CTNNA3: variants seen among roughly 807,000 people sequenced by gnomAD.
CTNNA3 encodes the protein catenin alpha-3.
Under a neutral mutation model 95.7 loss-of-function variants are expected in CTNNA3, and 76 were observed. The observed-to-expected ratio is 0.79, with a 90% CI of 0.66 to 0.96. CTNNA3 has a LOEUF of 0.96. Ranked by LOEUF, CTNNA3 falls within the 40% of genes least tolerant of loss-of-function variation. CTNNA3 has a pLI of 0.00. For missense variants in CTNNA3, 1,191 were observed against 1,089.8 expected (o/e 1.09, Z -1.31); for synonymous variants, 431 against 374.4 (o/e 1.15, Z -1.74).
chr10:66,681,387 G>A lies in CTNNA3; in HGVS notation c.1282-59603C>T, dbSNP rs574694208. ...CAGAATATACCTGGGGATCCAAACT[G>A]GAAACAGCTCATTAGATTCAAAATA... On this transcript the variant is annotated intron_variant, in intron 9 of 17. Transcript: ENST00000433211. Among the ~76,000 whole-genome samples the A allele has an allele frequency of 9.3e-4, 142 of 152,030 alleles. 1 individual carries two copies. Among genetic ancestry groups the A allele is most frequent in the Non-Finnish European group, 1.6e-3 (112 of 67,990 alleles).
At chr10:66,400,073 GC>G (rs1201855143) in intron 11 of CTNNA3, among the ~76,000 whole-genome samples, 1 of 151,872 alleles carries the variant, frequency 6.6e-6, no homozygotes, top group African/African-American at 2.4e-5. Context: ...ACATACATAT[GC>G]TTTTTATAGC....
At chr10:66,362,013 T>C (rs1295023277) in intron 12 of CTNNA3, among the ~76,000 whole-genome samples, 1 of 151,852 alleles carries the variant, frequency 6.6e-6, no homozygotes, top group African/African-American at 2.4e-5. Flanking sequence ...CTGTGTGACA[T>C]ATGCAGCTTT....
At position 66,102,430 on chromosome 10, in the gene CTNNA3, T is replaced by TA. The variant is rs374775739; in HGVS notation, c.1977+726dup. ...TGCTTTACAAATGAGGGAACTGAGG[T>TA]ACAGAGAAGCTAATTGACTTTCCCA... On this transcript the variant is annotated intron_variant, in intron 14 of 17. Coordinates refer to ENST00000433211, the MANE Select transcript of CTNNA3 (RefSeq NM_013266.4). Among the ~76,000 whole-genome samples the TA allele has an allele frequency of 1.5e-3, 235 of 152,224 alleles. 2 individuals carry two copies. Among genetic ancestry groups the TA allele is most frequent in the Non-Finnish European group, 2.8e-3 (190 of 68,006 alleles).
At chr10:66,929,570 A>G (rs1371152187) in intron 7 of CTNNA3, among the ~76,000 whole-genome samples, 1 of 152,192 alleles carries the variant, frequency 6.6e-6, no homozygotes, top group East Asian at 1.9e-4. Flanking sequence ...CCTCATTGAA[A>G]AGGACGACTT....
At chr10:66,321,235 T>C (rs1358647105) in intron 12 of CTNNA3, among the ~76,000 whole-genome samples, 1 of 152,032 alleles carries the variant, frequency 6.6e-6, no homozygotes, top group Non-Finnish European at 1.5e-5. Flanking sequence ...AAAATAGTTA[T>C]AACATGTTAG....
rs12255493 is a variant in CTNNA3 at position 66,976,586 on chromosome 10, A to C, written c.1048-201062T>G. Among the ~76,000 whole-genome samples the C allele has an allele frequency of 7.2e-3, 1,090 of 152,278 alleles. 13 individuals are homozygous for C. The highest frequency in any genetic ancestry group is 0.025 in the African/African-American group (1,041 of 41,556). On this transcript the variant is annotated intron_variant, in intron 7 of 17. Transcript: ENST00000433211. ...CTAAAAATCTACAGTGACTTCCCTA[A>C]AGAAAAATGGTCATATTCCCAAGTT...
At chr10:67,135,146 T>A (rs1429531548) in intron 7 of CTNNA3, among the ~76,000 whole-genome samples, 3 of 151,952 alleles carry the variant, frequency 2.0e-5, no homozygotes, top group African/African-American at 7.2e-5. Flanking sequence ...ATACAGAGAA[T>A]GAAATAGTAT....
intron 5 of CTNNA3, among the ~76,000 whole-genome samples, chr10:67,413,390 C>G (rs534791762): frequency 1.3e-5 from 2 of 152,186 alleles, no homozygotes; most frequent in Admixed American, 6.5e-5. Flanking sequence ...CGACAAGAAG[C>G]CTTAACTATA....
At chr10:66,268,050 A>C (rs919043644) in intron 13 of CTNNA3, among the ~76,000 whole-genome samples, 4 of 152,166 alleles carry the variant, frequency 2.6e-5, no homozygotes, top group African/African-American at 9.7e-5. Context: ...TTATGGTCAC[A>C]TAATTGTTAA....
chr10:67,231,122 C>A (rs12247877), intron 5 of CTNNA3, among the ~76,000 whole-genome samples: 1,555 of 152,202 alleles, frequency 0.01, 16 homozygotes, highest in African/African-American at 0.024. Context: ...TTGCCCAGGC[C>A]TGCTTAGGTA....
intron 13 of CTNNA3, among the ~76,000 whole-genome samples, chr10:66,135,316 G>A (rs1332720832): frequency 9.2e-5 from 14 of 152,084 alleles, no homozygotes; most frequent in Non-Finnish European, 2.9e-5. Context: ...TGTTGGGCGA[G>A]AAGGCAAAAA....
chr10:67,744,978 AG>A (rs1841366078), intron 1 of CTNNA3, among the ~76,000 whole-genome samples: 1 of 152,130 alleles, frequency 6.6e-6, no homozygotes, highest in Non-Finnish European at 1.5e-5. Context: ...CACACCAGTT[AG>A]AATGGTGATC....
At chr10:67,695,803 C>T (rs1840953494) in intron 1 of CTNNA3, among the ~76,000 whole-genome samples, 197 bp downstream of exon 1, 2 of 152,154 alleles carry the variant, frequency 1.3e-5, no homozygotes, top group Non-Finnish European at 2.9e-5. Flanking sequence ...TTATTTATAA[C>T]TTTAAAATTA....
chr10:66,108,080 A>G (rs887595473), intron 13 of CTNNA3, among the ~76,000 whole-genome samples: 1 of 152,120 alleles, frequency 6.6e-6, no homozygotes, highest in Admixed American at 6.6e-5. Context: ...CTAACGTCAC[A>G]TGTTCAATGA....
upstream of CTNNA3, among the ~76,000 whole-genome samples, chr10:67,699,347 T>C (rs1037243386): frequency 4.6e-5 from 7 of 152,186 alleles, no homozygotes; most frequent in African/African-American, 1.4e-4. Flanking sequence ...ACTAAGATGA[T>C]TTATTTCCCC....
intron 7 of CTNNA3, among the ~76,000 whole-genome samples, chr10:66,887,350 AT>A (rs1267864491): frequency 6.6e-6 from 1 of 152,192 alleles, no homozygotes; most frequent in Non-Finnish European, 1.5e-5. Context: ...TTCTTTGAGT[AT>A]GTGATTCAGT....
At chr10:67,412,263 T>C (rs138661363) in intron 5 of CTNNA3, among the ~76,000 whole-genome samples, 1,810 of 152,244 alleles carry the variant, frequency 0.012, 20 homozygotes, top group Non-Finnish European at 0.018. Flanking sequence ...ATGCATGTCT[T>C]TGCCTTCTTG....
intron 7 of CTNNA3, among the ~76,000 whole-genome samples, chr10:66,901,685 T>C (rs934720260): frequency 6.6e-6 from 1 of 152,160 alleles, no homozygotes; most frequent in Non-Finnish European, 1.5e-5. Flanking sequence ...GAGGAAGATC[T>C]ACCAAGCAAA....
rs561368511 is a variant in CTNNA3, at chr10:66,254,253, C to T, written c.1884+26217G>A. Among the ~76,000 whole-genome samples, 6 of 152,294 alleles carry T rather than the reference C, an allele frequency of 3.9e-5. No individual in the cohort carries two copies. The East Asian group carries it at 1.2e-3, about 29-fold the overall frequency. The stretch of plus-strand genomic sequence containing the variant: ...TCTGAGGAATTTAGAAGTAATTTGA[C>T]TTCCCTATTATCAAAAGCATGCATC... On this transcript the variant is annotated intron_variant, in intron 13 of 17. Coordinates refer to ENST00000433211, the MANE Select transcript of CTNNA3 (RefSeq NM_013266.4).
Sources: allele counts gnomAD v4.1 joint callset (sites outside exome capture counted in the v4.1 genomes callset), GRCh38; gene constraint gnomAD v4.1.1; transcripts MANE v1.5; gene names NCBI Gene and HGNC (gene_info 2026-07-23, HGNC 2026-07-21).